The following PTPRZ1 variants were observed in gnomAD, a reference collection of about 807,000 sequenced individuals.
PTPRZ1 encodes protein tyrosine phosphatase receptor type Z1.
In PTPRZ1, 82 loss-of-function variants were observed where a neutral mutation model predicts 214.1. The ratio of observed to expected loss-of-function variants is 0.38; its 90% CI spans 0.32 to 0.46. The LOEUF is 0.46. Ranked by LOEUF, PTPRZ1 falls within the 20% of genes least tolerant of loss-of-function variation. PTPRZ1 has a pLI of 1.00. For missense variants in PTPRZ1, 2,603 were observed against 2,748.7 expected (o/e 0.95, Z 1.19); for synonymous variants, 945 against 987.9 (o/e 0.96, Z 0.81).
At chr7:121,971,145 C>T (rs1435371110) in intron 3 of PTPRZ1, among the ~76,000 whole-genome samples, 5 of 152,110 alleles carry the variant, frequency 3.3e-5, no homozygotes, top group Non-Finnish European at 7.4e-5. Context: ...GGGCTCTGTT[C>T]TGTTCCATTG....
At chr7:121,904,279 G>A (rs969673217) in intron 1 of PTPRZ1, among the ~76,000 whole-genome samples, 1 of 152,078 alleles carries the variant, frequency 6.6e-6, no homozygotes, top group African/African-American at 2.4e-5. Flanking sequence ...CAGGAGGCTG[G>A]CTGCCAATCA....
At chr7:121,963,926 C>G (rs574976981) in intron 2 of PTPRZ1, among the ~76,000 whole-genome samples, 2 of 149,190 alleles carry the variant, frequency 1.3e-5, no homozygotes, top group African/African-American at 5.0e-5. Context: ...TGTCATTGCG[C>G]TATATGTTGT....
chr7:121,873,642 G>A, intron 1 of PTPRZ1, 85 bp downstream of exon 1: 1 of 1,492,176 alleles, frequency 6.7e-7, no homozygotes. Context: ...GCGACTTGCC[G>A]CCGCCGCCGC....
At chr7:121,966,067 G>A (rs1797038233) in intron 2 of PTPRZ1, among the ~76,000 whole-genome samples, 1 of 152,076 alleles carries the variant, frequency 6.6e-6, no homozygotes, top group Admixed American at 6.6e-5. Flanking sequence ...ATATTTTGAA[G>A]GCAGACCCTA....
intron 1 of PTPRZ1, among the ~76,000 whole-genome samples, chr7:121,891,451 C>CTTTTTTTTTTT (rs58135453): frequency 0.012 from 419 of 35,722 alleles, 24 homozygotes; most frequent in South Asian, 0.021. Context: ...AAAACAACCT[C>CTTTTTTTTTTT]TTTTTTTTTT....
intron 29 of PTPRZ1, 115 bp downstream of exon 29, chr7:122,060,003 G>A: frequency 5.7e-6 from 6 of 1,051,128 alleles, no homozygotes; most frequent in Non-Finnish European, 6.6e-6. Flanking sequence ...ACATTAGTAT[G>A]TAGTTTTCAA....
chr7:122,006,758 A>G (rs1348877627), intron 11 of PTPRZ1, among the ~76,000 whole-genome samples: 2 of 152,102 alleles, frequency 1.3e-5, no homozygotes, highest in Admixed American at 1.3e-4. Flanking sequence ...CCAGGTCTCA[A>G]CAGGAAACAG....
At chr7:121,916,563 T>C (rs1281389003) in intron 1 of PTPRZ1, among the ~76,000 whole-genome samples, 1 of 152,216 alleles carries the variant, frequency 6.6e-6, no homozygotes, top group African/African-American at 2.4e-5. Flanking sequence ...GTATAAAAAG[T>C]AACTAATGGG....
chr7:122,059,009 C>A, intron 28 of PTPRZ1, 67 bp downstream of exon 28: 1 of 1,423,042 alleles, frequency 7.0e-7, no homozygotes, highest in South Asian at 1.4e-5. Flanking sequence ...TTTCTGTTGT[C>A]TTCAGACAAA....
chr7:121,967,859 C>T (rs2116510102), intron 2 of PTPRZ1, 92 bp from the exon 3 acceptor site: 1 of 862,612 alleles, frequency 1.2e-6, no homozygotes, highest in East Asian at 2.8e-5. Flanking sequence ...ACTATTGCAT[C>T]TATTTTTATG....
intron 8 of PTPRZ1, among the ~76,000 whole-genome samples, chr7:121,985,930 A>G (rs1797752412): frequency 6.6e-6 from 1 of 152,242 alleles, no homozygotes; most frequent in Non-Finnish European, 1.5e-5. Context: ...CTCCATGGCC[A>G]AACTAAAGTA....
At chr7:121,899,864 A>T (rs1173063995) in intron 1 of PTPRZ1, among the ~76,000 whole-genome samples, 1 of 152,180 alleles carries the variant, frequency 6.6e-6, no homozygotes, top group Non-Finnish European at 1.5e-5. Context: ...AAGTACAGGG[A>T]AACTCTAGCA....
intron 11 of PTPRZ1, among the ~76,000 whole-genome samples, chr7:122,009,339 G>A (rs1798578109): frequency 6.6e-6 from 1 of 151,406 alleles, no homozygotes; most frequent in Non-Finnish European, 1.5e-5. Flanking sequence ...GCTGTACTCA[G>A]TAATTTTTTT....
chr7:121,976,761 T>A (rs1402081058), intron 5 of PTPRZ1, 24 bp from the exon 6 acceptor site: 1 of 1,541,220 alleles, frequency 6.5e-7, no homozygotes, highest in African/African-American at 1.4e-5. Flanking sequence ...ATTCTTTTTT[T>A]AGAATGTGAT....
intron 10 of PTPRZ1, among the ~76,000 whole-genome samples, chr7:122,000,421 A>G (rs1245805695): frequency 6.6e-6 from 1 of 151,576 alleles, no homozygotes; most frequent in Non-Finnish European, 1.5e-5. Context: ...ACTAATATAG[A>G]TGTAAGTGGC....
At position 121,876,151 on chromosome 7, in the gene PTPRZ1, C is replaced by T. The variant is rs117287561; in HGVS notation, c.58+2594C>T. ...TGAACTGGACATAATAGACCAACTG[C>T]TTCTTTCAAATAACTTTCCAGACAA... On this transcript the variant is annotated intron_variant, in intron 1 of 29. Coordinates refer to ENST00000393386, the MANE Select transcript of PTPRZ1 (RefSeq NM_002851.3). Among the ~76,000 whole-genome samples the T allele has an allele frequency of 6.3e-3, 953 of 152,318 alleles. 7 individuals carry two copies. Among genetic ancestry groups the T allele is most frequent in the Middle Eastern group, 0.014 (4 of 292 alleles).
chr7:122,047,790 A>C (rs765846418), intron 23 of PTPRZ1, among the ~76,000 whole-genome samples: 3 of 151,902 alleles, frequency 2.0e-5, no homozygotes, highest in Non-Finnish European at 4.4e-5. Context: ...CTAGGACTAT[A>C]GTAAGTGTAC....
At chr7:121,919,819 CA>C (rs1354371204) in intron 1 of PTPRZ1, among the ~76,000 whole-genome samples, 2 of 150,944 alleles carry the variant, frequency 1.3e-5, no homozygotes, top group Non-Finnish European at 2.9e-5. Context: ...TCTATCAATT[CA>C]TTTTTTTAGT....
chr7:122,014,532 A>G (rs1414198069), intron 12 of PTPRZ1, among the ~76,000 whole-genome samples: 6 of 152,146 alleles, frequency 3.9e-5, no homozygotes, highest in Non-Finnish European at 5.9e-5. Flanking sequence ...TCCGCCTCCC[A>G]GGTTCACGCC....
Sources: gnomAD v4.1 joint callset for allele counts (sites outside exome capture counted in the v4.1 genomes callset) on GRCh38, gnomAD v4.1.1 for gene constraint, MANE v1.5 for transcripts, NCBI Gene and HGNC (gene_info 2026-07-23, HGNC 2026-07-21) for gene names.